Variants in DLG2 observed in about 807,000 individuals in gnomAD.
DLG2 encodes the protein discs large MAGUK scaffold protein 2.
A neutral mutation model predicts 132.5 loss-of-function variants in DLG2; 45 were observed. The observed-to-expected ratio is 0.34, with a 90% CI of 0.27 to 0.44. DLG2 has a LOEUF of 0.44. Among genes scored for constraint, DLG2 ranks in the 20% least tolerant of loss-of-function variants. The pLI, the probability that DLG2 is intolerant of heterozygous loss-of-function variation, is 1.00. For missense variants in DLG2, 1,045 were observed against 1,196.9 expected (o/e 0.87, Z 1.87); for synonymous variants, 424 against 419.6 (o/e 1.01, Z -0.13).
chr11:83,840,165 ATAACTTGTTCC>A (rs1014124091), intron 16 of DLG2, among the ~76,000 whole-genome samples: 2 of 152,292 alleles, frequency 1.3e-5, no homozygotes, highest in Admixed American at 6.5e-5. Flanking sequence ...GGTACATATG[ATAACTTGTTCC>A]TTGGGTCCAC....
intron 14 of DLG2, among the ~76,000 whole-genome samples, chr11:83,934,071 G>A (rs570291965): frequency 1.4e-4 from 22 of 152,222 alleles, no homozygotes; most frequent in Non-Finnish European, 2.6e-4. Flanking sequence ...TTACAGCAGG[G>A]TTATGAGAGC....
intron 8 of DLG2, among the ~76,000 whole-genome samples, chr11:84,214,383 GTT>G (rs967407840): frequency 6.7e-6 from 1 of 149,866 alleles, no homozygotes; most frequent in Non-Finnish European, 1.5e-5. Context: ...ATATAAATAT[GTT>G]TTATATATGT....
chr11:84,416,599 G>C (rs2098930597), intron 7 of DLG2, among the ~76,000 whole-genome samples: 1 of 152,202 alleles, frequency 6.6e-6, no homozygotes, highest in Non-Finnish European at 1.5e-5. Flanking sequence ...TTTGGGATAA[G>C]ACATTTTGAG....
intron 7 of DLG2, among the ~76,000 whole-genome samples, chr11:84,524,936 C>T (rs990995253): frequency 6.6e-6 from 1 of 150,896 alleles, no homozygotes; most frequent in Non-Finnish European, 1.5e-5. Context: ...TGTAGAGGAA[C>T]TACAAATTTC....
intron 4 of DLG2, among the ~76,000 whole-genome samples, 159 bp downstream of exon 4, chr11:85,285,061 T>A (rs1427640857): frequency 1.3e-5 from 2 of 151,960 alleles, no homozygotes; most frequent in Non-Finnish European, 2.9e-5. Context: ...TTTGGAAAAA[T>A]TGAATTTTCA....
chr11:84,628,556 C>T (rs2099626622), intron 6 of DLG2, among the ~76,000 whole-genome samples: 1 of 152,190 alleles, frequency 6.6e-6, no homozygotes, highest in Non-Finnish European at 1.5e-5. Flanking sequence ...GAATTTGATG[C>T]ATTTTTGCTT....
chr11:85,117,668 A>AG (rs1266749057), intron 5 of DLG2, among the ~76,000 whole-genome samples: 10 of 151,862 alleles, frequency 6.6e-5, no homozygotes, highest in Admixed American at 3.9e-4. Flanking sequence ...GTAAAAAAAA[A>AG]AATGAAAAGA....
intron 3 of DLG2, among the ~76,000 whole-genome samples, chr11:85,304,119 T>C (rs998376172): frequency 1.3e-5 from 2 of 152,322 alleles, no homozygotes; most frequent in East Asian, 3.9e-4. Flanking sequence ...GCCTTGTTGT[T>C]ACACCTAGCA....
At chr11:84,537,435 C>T (rs2154521492) in intron 6 of DLG2, among the ~76,000 whole-genome samples, 1 of 152,286 alleles carries the variant, frequency 6.6e-6, no homozygotes, top group East Asian at 1.9e-4. Flanking sequence ...AACATTCTCA[C>T]TCCAATAATT....
At chr11:84,383,557 G>A (rs1047738390) in intron 7 of DLG2, among the ~76,000 whole-genome samples, 1 of 152,034 alleles carries the variant, frequency 6.6e-6, no homozygotes, top group Non-Finnish European at 1.5e-5. Context: ...TCTCATGTTG[G>A]CCTTAAAGAA....
intron 7 of DLG2, among the ~76,000 whole-genome samples, chr11:84,407,363 T>C (rs2098859428): frequency 6.6e-6 from 1 of 152,180 alleles, no homozygotes; most frequent in African/African-American, 2.4e-5. Flanking sequence ...TGGGTTCTTT[T>C]GTTGCCTTTC....
intron 3 of DLG2, among the ~76,000 whole-genome samples, chr11:85,437,671 G>A (rs1274610283): frequency 2.6e-5 from 4 of 152,002 alleles, no homozygotes; most frequent in Admixed American, 6.5e-5. Context: ...AAATTTTAGA[G>A]TAAGTGAAAT....
chr11:83,488,434 A>AAGAT (rs1253752565), intron 21 of DLG2, among the ~76,000 whole-genome samples: 1 of 152,026 alleles, frequency 6.6e-6, no homozygotes, highest in Non-Finnish European at 1.5e-5. Flanking sequence ...GAACTGGCTT[A>AAGAT]AGATAAAATA....
At chr11:85,411,332 T>TA (rs2089291618) in intron 3 of DLG2, among the ~76,000 whole-genome samples, 1 of 151,704 alleles carries the variant, frequency 6.6e-6, no homozygotes, top group African/African-American at 2.4e-5. Context: ...ACATGGCATT[T>TA]AGCTAGACTC....
intron 6 of DLG2, among the ~76,000 whole-genome samples, chr11:84,950,518 C>T (rs921440500): frequency 6.6e-6 from 1 of 152,274 alleles, no homozygotes; most frequent in East Asian, 1.9e-4. Context: ...TGCAGCTACA[C>T]TTTAAATATA....
At chr11:85,369,468 CTT>C (rs923324673) in intron 3 of DLG2, among the ~76,000 whole-genome samples, 1 of 151,394 alleles carries the variant, frequency 6.6e-6, no homozygotes. Context: ...TAACCTTTAA[CTT>C]TTTTTTTCCT....
intron 4 of DLG2, among the ~76,000 whole-genome samples, chr11:85,224,672 C>CT (rs1251246653): frequency 6.6e-6 from 1 of 152,016 alleles, no homozygotes; most frequent in Non-Finnish European, 1.5e-5. Context: ...TTTTCATCTT[C>CT]TTTTTTTGTA....
chr11:83,708,882 G>T (rs2084691631), intron 18 of DLG2, among the ~76,000 whole-genome samples: 1 of 152,272 alleles, frequency 6.6e-6, no homozygotes, highest in South Asian at 2.1e-4. Context: ...GACTTGGATT[G>T]CATTCCAGCT....
intron 6 of DLG2, among the ~76,000 whole-genome samples, chr11:84,572,430 G>C (rs746756830): frequency 5.9e-5 from 9 of 152,248 alleles, no homozygotes; most frequent in Non-Finnish European, 1.0e-4. Context: ...GACATGTAAA[G>C]AAGTCTGGGC....
Sources: gnomAD v4.1 joint callset for allele counts (sites outside exome capture counted in the v4.1 genomes callset) on GRCh38, gnomAD v4.1.1 for gene constraint, MANE v1.5 for transcripts, NCBI Gene and HGNC (gene_info 2026-07-23, HGNC 2026-07-21) for gene names.